Variants in NTM observed in about 807,000 individuals in gnomAD.
NTM encodes the protein neurotrimin, also known as IgLON family member 2.
A neutral mutation model predicts 42.1 loss-of-function variants in NTM; 13 were observed. The ratio of observed to expected loss-of-function variants is 0.31; its 90% confidence interval spans 0.20 to 0.49. The LOEUF (loss-of-function observed/expected upper bound fraction) is 0.49, where lower values mean the gene tolerates loss of function less well. Ranked by LOEUF, NTM falls within the 20% of genes least tolerant of loss-of-function variation. The pLI is 0.99. For synonymous variants in NTM, 187 were observed against 179.2 expected (o/e 1.04, Z -0.35); for missense variants, 373 against 452.8 (o/e 0.82, Z 1.60).
intron 1 of NTM, among the ~76,000 whole-genome samples, chr11:131,424,538 G>A (rs4570588): frequency 0.24 from 36,571 of 149,572 alleles, 5,146 homozygotes; most frequent in East Asian, 0.63. Flanking sequence ...CTCAGCAGGA[G>A]CATGCTGATA....
chr11:132,038,684 C>T (rs559275645), intron 2 of NTM, among the ~76,000 whole-genome samples: 2,087 of 152,326 alleles, frequency 0.014, 14 homozygotes, highest in Non-Finnish European at 0.022. Context: ...CAGCACGCTT[C>T]CCTGTGGGCC....
intron 1 of NTM, among the ~76,000 whole-genome samples, chr11:131,558,679 C>T (rs923978421): frequency 6.6e-6 from 1 of 152,114 alleles, no homozygotes; most frequent in Admixed American, 6.5e-5. Flanking sequence ...ATGCCTTGGC[C>T]TAAATAGTAG....
chr11:132,251,249 C>T (rs1325801680), intron 4 of NTM, among the ~76,000 whole-genome samples: 1 of 152,184 alleles, frequency 6.6e-6, no homozygotes, highest in Non-Finnish European at 1.5e-5. Context: ...TTCCTGTTCC[C>T]CTGTCCTTTC....
At chr11:132,204,139 G>C (rs922356417) in intron 3 of NTM, among the ~76,000 whole-genome samples, 23 of 152,164 alleles carry the variant, frequency 1.5e-4, no homozygotes, top group Non-Finnish European at 1.0e-4. Flanking sequence ...TTGCCTTAGA[G>C]AGAATATCTA....
Position 131,882,198 on chromosome 11 carries a change from TTCTA to T in NTM, c.83-29356_83-29353del, listed in dbSNP as rs746839768. 4.5e-4 allele frequency among the ~76,000 whole-genome samples: 69 copies of T among 152,302 alleles called. 1 individual carries two copies. Among genetic ancestry groups the T allele is most frequent in the South Asian group, 1.0e-3 (5 of 4,820 alleles). On this transcript the variant is annotated intron_variant, in intron 1 of 8. Transcript: ENST00000683400. ...TATGTGTATGTATGTGTGTGTGTCT[TTCTA>T]TCTATCTATGTGAAAGAGCGAGATT...
intron 1 of NTM, among the ~76,000 whole-genome samples, chr11:131,889,065 G>A (rs947329384): frequency 6.6e-6 from 1 of 152,056 alleles, no homozygotes; most frequent in Admixed American, 6.6e-5. Flanking sequence ...GGGAGCGTCC[G>A]GATTTTAGGA....
intron 1 of NTM, chr11:131,796,051 G>A (rs1485361632): frequency 3.0e-6 from 3 of 985,276 alleles, no homozygotes; most frequent in Non-Finnish European, 3.6e-6. Flanking sequence ...GAGGTGTAAT[G>A]ATCAGTGCCA....
intron 3 of NTM, among the ~76,000 whole-genome samples, chr11:132,154,919 T>G (rs2072836655): frequency 6.6e-6 from 1 of 152,238 alleles, no homozygotes; most frequent in Non-Finnish European, 1.5e-5. Flanking sequence ...TCATGTTATT[T>G]GAGAAAGAAT....
chr11:131,592,990 A>G (rs1467902100), intron 1 of NTM, among the ~76,000 whole-genome samples: 1 of 152,150 alleles, frequency 6.6e-6, no homozygotes, highest in African/African-American at 2.4e-5. Context: ...CTATGCTGTC[A>G]TTTGTAATTT....
At chr11:132,261,700 T>G (rs1485676899) in intron 4 of NTM, among the ~76,000 whole-genome samples, 1 of 152,180 alleles carries the variant, frequency 6.6e-6, no homozygotes, top group Admixed American at 6.5e-5. Context: ...GGAGAATAGA[T>G]AGGTTGCAGG....
chr11:132,206,094 C>A (rs2081952843), intron 3 of NTM, among the ~76,000 whole-genome samples: 1 of 152,162 alleles, frequency 6.6e-6, no homozygotes, highest in Admixed American at 6.5e-5. Context: ...CTTTTCAGAG[C>A]CAACAGTTTA....
At chr11:132,036,026 T>C (rs1450025774) in intron 2 of NTM, among the ~76,000 whole-genome samples, 1 of 152,176 alleles carries the variant, frequency 6.6e-6, no homozygotes, top group African/African-American at 2.4e-5. Flanking sequence ...CAATCAGTTC[T>C]AGTTACCATG....
chr11:131,793,248 C>T (rs1368251605), intron 1 of NTM, among the ~76,000 whole-genome samples: 1 of 152,092 alleles, frequency 6.6e-6, no homozygotes, highest in Non-Finnish European at 1.5e-5. Context: ...TGGTTGCTAT[C>T]GTTTTTTTCA....
At chr11:131,712,104 C>T (rs1427354795) in intron 1 of NTM, among the ~76,000 whole-genome samples, 25 of 143,432 alleles carry the variant, frequency 1.7e-4, no homozygotes, top group African/African-American at 6.5e-4. Context: ...GCACATTGTG[C>T]ACATGTACCC....
At chr11:131,557,147 A>G (rs2136963096) in intron 1 of NTM, among the ~76,000 whole-genome samples, 1 of 152,236 alleles carries the variant, frequency 6.6e-6, no homozygotes, top group Admixed American at 6.5e-5. Flanking sequence ...TTATCTCTCC[A>G]GTTAAGCCAA....
At chr11:131,661,097 T>A (rs1592412794) in intron 1 of NTM, 4 of 1,222,764 alleles carry the variant, frequency 3.3e-6, no homozygotes, top group African/African-American at 1.6e-5. Context: ...GGTGGGGGGG[T>A]CTTCCCCCTA....
Position 131,773,799 on chromosome 11 carries a change from C to G in NTM, c.83-137765C>G, listed in dbSNP as rs547703342. On this transcript the variant is annotated intron_variant, in intron 1 of 8. Transcript: ENST00000683400. ...TATCCAGGAGTGGTTAGTAACCTGA[C>G]TGTGTTCCAACTTCATTTTGCCCTG... 2.6e-5 allele frequency among the ~76,000 whole-genome samples: 4 copies of G among 152,334 alleles called. No homozygotes were observed. In the East Asian group the frequency reaches 7.7e-4, roughly 29 times the overall value.
intron 3 of NTM, among the ~76,000 whole-genome samples, chr11:132,164,788 C>T (rs1206963969): frequency 6.6e-6 from 1 of 152,098 alleles, no homozygotes. Flanking sequence ...TGTGAACTCC[C>T]GAGGCCTGTT....
At chr11:132,051,792 A>G (rs1211472001) in intron 2 of NTM, among the ~76,000 whole-genome samples, 1 of 152,226 alleles carries the variant, frequency 6.6e-6, no homozygotes, top group Non-Finnish European at 1.5e-5. Flanking sequence ...GAACAAAGCC[A>G]TATGTGAGCT....
Sources: gnomAD v4.1 joint callset for allele counts (sites outside exome capture counted in the v4.1 genomes callset) on GRCh38, gnomAD v4.1.1 for gene constraint, MANE v1.5 for transcripts, NCBI Gene and HGNC (gene_info 2026-07-23, HGNC 2026-07-21) for gene names.